The following FOXP1 variants were observed in gnomAD, a reference collection of about 807,000 sequenced individuals.
FOXP1 encodes the protein forkhead box P1.
FOXP1 carries 15 observed loss-of-function variants against 98.2 expected under a neutral mutation model. The observed-to-expected ratio is 0.15, with a 90% CI of 0.10 to 0.24. The LOEUF is 0.24. Ranked by LOEUF, FOXP1 falls within the 10% of genes least tolerant of loss-of-function variation. The pLI is 1.00. For missense variants in FOXP1, 633 were observed against 848.5 expected (o/e 0.75, Z 3.15); for synonymous variants, 371 against 314.5 (o/e 1.18, Z -1.90).
intron 2 of FOXP1, among the ~76,000 whole-genome samples, chr3:71,549,056 A>G (rs534196536): frequency 6.6e-6 from 1 of 152,326 alleles, no homozygotes; most frequent in East Asian, 1.9e-4. Flanking sequence ...AAGGTGTATT[A>G]ACCCAAAGAA....
Position 71,135,806 on chromosome 3 carries a change from C to T in FOXP1, c.181-23169G>A, listed in dbSNP as rs189134138. On this transcript the variant is annotated intron_variant, in intron 6 of 20. Coordinates refer to ENST00000649528, the MANE Select transcript of FOXP1 (RefSeq NM_001349338.3). ...ACACTGCCCAAGTCAAGTCAAAGCACCTTTCCAGGCTCCAAAACGGCAGCG... is the reference window on the plus strand; with the variant it reads ...ACACTGCCCAAGTCAAGTCAAAGCATCTTTCCAGGCTCCAAAACGGCAGCG... Among the ~76,000 whole-genome samples, 54 of 152,312 alleles carry T rather than the reference C, an allele frequency of 3.5e-4. No homozygotes were observed. In the East Asian group the frequency reaches 9.1e-3, roughly 26 times the overall value.
At chr3:71,303,295 C>A (rs2074003289) in intron 4 of FOXP1, among the ~76,000 whole-genome samples, 1 of 152,128 alleles carries the variant, frequency 6.6e-6, no homozygotes, top group East Asian at 1.9e-4. Context: ...TGGCTGAGAA[C>A]CTATTGTGTA....
chr3:71,421,302 A>G (rs1322524509), intron 3 of FOXP1, among the ~76,000 whole-genome samples: 1 of 152,186 alleles, frequency 6.6e-6, no homozygotes, highest in African/African-American at 2.4e-5. Context: ...AATTAAACAC[A>G]TTAAAGGTGA....
intron 3 of FOXP1, among the ~76,000 whole-genome samples, chr3:71,399,096 G>T (rs2081767281): frequency 6.6e-6 from 1 of 152,226 alleles, no homozygotes; most frequent in African/African-American, 2.4e-5. Flanking sequence ...ACTGTTCGTA[G>T]AAGTGACTTT....
intron 5 of FOXP1, among the ~76,000 whole-genome samples, chr3:71,293,347 G>A (rs1258546483): frequency 2.0e-5 from 3 of 152,116 alleles, no homozygotes. Flanking sequence ...TGAGCCTATA[G>A]TCCAAGCTAT....
intron 3 of FOXP1, among the ~76,000 whole-genome samples, chr3:71,436,142 A>C (rs577062357): frequency 6.6e-6 from 1 of 151,874 alleles, no homozygotes; most frequent in Non-Finnish European, 1.5e-5. Flanking sequence ...TTCCTATTAC[A>C]TATTTCCCAA....
At chr3:71,030,881 T>A (rs1175428802) in intron 11 of FOXP1, among the ~76,000 whole-genome samples, 2 of 152,230 alleles carry the variant, frequency 1.3e-5, no homozygotes. Context: ...TTGTCATAAA[T>A]CTGACTCATA....
chr3:71,233,259 G>A (rs538344624), intron 5 of FOXP1, among the ~76,000 whole-genome samples: 3 of 148,464 alleles, frequency 2.0e-5, no homozygotes, highest in South Asian at 2.2e-4. Flanking sequence ...AGGAGGGAAG[G>A]GGAGGAGAGA....
chr3:71,255,829 A>G (rs1227342244), intron 5 of FOXP1, among the ~76,000 whole-genome samples: 1 of 152,216 alleles, frequency 6.6e-6, no homozygotes, highest in African/African-American at 2.4e-5. Flanking sequence ...GGAAAATGGC[A>G]AACTTCCCCA....
chr3:71,567,349 C>G (rs1161648892), intron 2 of FOXP1, among the ~76,000 whole-genome samples: 1 of 152,114 alleles, frequency 6.6e-6, no homozygotes, highest in Non-Finnish European at 1.5e-5. Context: ...GGTTCCATCA[C>G]TGCCACCGAG....
chr3:71,118,878 T>G (rs1331057103), intron 6 of FOXP1, among the ~76,000 whole-genome samples: 2 of 152,228 alleles, frequency 1.3e-5, no homozygotes, highest in Admixed American at 1.3e-4. Flanking sequence ...GCTACTTTTG[T>G]GCTACAAACG....
At chr3:71,023,839 T>C (rs1158715332) in intron 11 of FOXP1, among the ~76,000 whole-genome samples, 1 of 152,218 alleles carries the variant, frequency 6.6e-6, no homozygotes, top group Non-Finnish European at 1.5e-5. Flanking sequence ...ATTTGATCAT[T>C]AGCTCGAATG....
At chr3:71,413,291 CCCAAA>C (rs1173152816) in intron 3 of FOXP1, among the ~76,000 whole-genome samples, 153 of 97,946 alleles carry the variant, frequency 1.6e-3, no homozygotes, top group African/African-American at 5.6e-3. Context: ...CACACACACA[CCCAAA>C]ACAGCCAACC....
chr3:71,134,765 G>A (rs1001227260), intron 6 of FOXP1, among the ~76,000 whole-genome samples: 3 of 152,244 alleles, frequency 2.0e-5, no homozygotes, highest in African/African-American at 7.2e-5. Context: ...GCAGCAGAAA[G>A]GGGGGAAAAG....
intron 6 of FOXP1, among the ~76,000 whole-genome samples, chr3:71,197,294 T>G (rs757534629): frequency 6.6e-6 from 1 of 152,114 alleles, no homozygotes; most frequent in Non-Finnish European, 1.5e-5. Flanking sequence ...AAACCGGTCA[T>G]AAACCATCTA....
chr3:71,130,210 C>T (rs1166945977), intron 6 of FOXP1, among the ~76,000 whole-genome samples: 1 of 152,096 alleles, frequency 6.6e-6, no homozygotes, highest in Admixed American at 6.5e-5. Context: ...TACGTTTAGC[C>T]TATAAAACTA....
intron 14 of FOXP1, 98 bp downstream of exon 14, chr3:70,987,896 A>C: frequency 9.1e-7 from 1 of 1,103,200 alleles, no homozygotes; most frequent in Non-Finnish European, 1.4e-6. Context: ...AAGCTCCACC[A>C]AAGTAGGCTG....
chr3:71,073,490 A>C lies in FOXP1; in HGVS notation c.283-19717T>G, dbSNP rs149721107. On this transcript the variant is annotated intron_variant, in intron 7 of 20. Transcript: ENST00000649528. ...ACAAGAATCCTATAACCTCCACTGC[A>C]CATAGAGAAGGCTACCTGGAGTTTG... 6.4e-3 allele frequency among the ~76,000 whole-genome samples: 970 copies of C among 152,340 alleles called. 12 individuals are homozygous for C. Among genetic ancestry groups the C allele is most frequent in the South Asian group, 0.031 (151 of 4,822 alleles).
At chr3:71,420,713 CTT>C (rs72420028) in intron 3 of FOXP1, among the ~76,000 whole-genome samples, 5 of 145,594 alleles carry the variant, frequency 3.4e-5, no homozygotes, top group Non-Finnish European at 3.0e-5. Flanking sequence ...CCTTTTTTTT[CTT>C]TTTTTTTTTG....
Sources: allele counts gnomAD v4.1 joint callset (sites outside exome capture counted in the v4.1 genomes callset), GRCh38; gene constraint gnomAD v4.1.1; transcripts MANE v1.5; gene names NCBI Gene and HGNC (gene_info 2026-07-23, HGNC 2026-07-21).